Variants in ASTN2 observed in about 807,000 individuals in gnomAD.
ASTN2 encodes the protein astrotactin-2.
ASTN2 carries 54 observed loss-of-function variants against 139.8 expected under a neutral mutation model. The observed-to-expected ratio is 0.39, with a 90% CI of 0.31 to 0.48. ASTN2 has a LOEUF of 0.48. Ranked by LOEUF, ASTN2 falls within the 20% of genes least tolerant of loss-of-function variation. ASTN2 has a pLI of 0.95. For missense variants in ASTN2, 1,565 were observed against 1,725.1 expected, an observed-to-expected ratio of 0.91 and a Z score of 1.64; for synonymous variants, 756 against 719.5, an observed-to-expected ratio of 1.05 and a Z score of -0.81.
At chr9:117,281,017 T>C (rs914520447) in intron 2 of ASTN2, among the ~76,000 whole-genome samples, 4 of 152,232 alleles carry the variant, frequency 2.6e-5, no homozygotes, top group Non-Finnish European at 5.9e-5. Context: ...AGCAATCTTT[T>C]CTGCCCCATT....
intron 4 of ASTN2, among the ~76,000 whole-genome samples, chr9:117,123,767 C>T (rs1404863820): frequency 6.6e-6 from 1 of 152,076 alleles, no homozygotes; most frequent in East Asian, 1.9e-4. Context: ...TCCATTCCTC[C>T]CTACCCACCT....
intron 17 of ASTN2, among the ~76,000 whole-genome samples, 161 bp from the exon 18 acceptor site, chr9:116,620,604 G>C (rs1319045961): frequency 6.6e-6 from 1 of 152,056 alleles, no homozygotes; most frequent in Admixed American, 6.5e-5. Context: ...TCTACTATCA[G>C]GGTCTCCCAT....
rs76848479 is a variant in ASTN2 at position 117,147,976 on chromosome 9, G to T, written c.1016-6498C>A. ...CTTAGCTCCTCTTCAGATCATCTAG[G>T]CAAAGAGCCCTAGGAAATCTGGTGC... On this transcript the variant is annotated intron_variant, in intron 3 of 22. Coordinates refer to ENST00000313400, the MANE Select transcript of ASTN2 (RefSeq NM_001365068.1). 3.6e-3 allele frequency among the ~76,000 whole-genome samples: 548 copies of T among 152,264 alleles called. 14 individuals are homozygous for T. The East Asian group carries it at 0.064, about 18-fold the overall frequency.
chr9:117,411,233 C>G lies in ASTN2; in HGVS notation c.442+3264G>C, dbSNP rs75772574. Among the ~76,000 whole-genome samples the G allele has an allele frequency of 2.5e-4, 38 of 152,242 alleles. 1 individual carries two copies. In the East Asian group the frequency reaches 7.3e-3, roughly 29 times the overall value. ...TACAAGGCAGGAAGAAAGCTCTTAG[C>G]ATCACATTAAGGATTCAATAACTAT... is the stretch of plus-strand genomic sequence containing the variant. On this transcript the variant is annotated intron_variant, in intron 1 of 22. Coordinates refer to ENST00000313400, the MANE Select transcript of ASTN2 (RefSeq NM_001365068.1).
rs143451780 is a variant in ASTN2 at position 117,023,809 on chromosome 9, T to A, written c.1424-15550A>T. 3.7e-4 allele frequency among the ~76,000 whole-genome samples: 57 copies of A among 152,250 alleles called. No homozygotes were observed. In the East Asian group the frequency reaches 8.7e-3, roughly 23 times the overall value. ...TCATAAGGATCTAATATTATATGGA[T>A]TTGCATTCTAGTGGTGAGGTTGTTT... On this transcript the variant is annotated intron_variant, in intron 6 of 22. Transcript: ENST00000313400.
At chr9:116,446,247 G>GGGGAGA (rs1429663730) in intron 20 of ASTN2, among the ~76,000 whole-genome samples, 3 of 119,562 alleles carry the variant, frequency 2.5e-5, no homozygotes, top group African/African-American at 9.2e-5. Context: ...CAGAGACAGA[G>GGGGAGA]GGGAGAGGGA....
At chr9:116,490,303 A>AAAAAAAAAAAAAAAAAAAAAAAG (rs1564314423) in intron 19 of ASTN2, among the ~76,000 whole-genome samples, 2 of 104,516 alleles carry the variant, frequency 1.9e-5, no homozygotes, top group Non-Finnish European at 4.0e-5. Context: ...AAAAAAAAAA[A>AAAAAAAAAAAAAAAAAAAAAAAG]GGGGGCATTG....
chr9:116,620,490 G>C, intron 17 of ASTN2, 47 bp from the exon 18 acceptor site: 9 of 1,610,330 alleles, frequency 5.6e-6, no homozygotes, highest in Non-Finnish European at 7.6e-6. Context: ...CAACAGGGGA[G>C]AGATTGAGAG....
intron 2 of ASTN2, among the ~76,000 whole-genome samples, chr9:117,287,118 G>C (rs1229175674): frequency 6.6e-6 from 1 of 152,146 alleles, no homozygotes; most frequent in Non-Finnish European, 1.5e-5. Flanking sequence ...TTAGTGCCTG[G>C]CATACAGAAA....
intron 3 of ASTN2, among the ~76,000 whole-genome samples, chr9:117,193,462 AC>A (rs1423772006): frequency 6.6e-6 from 1 of 151,736 alleles, no homozygotes; most frequent in Non-Finnish European, 1.5e-5. Context: ...ACATGGTGAA[AC>A]CCTGTCTCTA....
At chr9:116,473,901 C>CA (rs201726007) in intron 20 of ASTN2, among the ~76,000 whole-genome samples, 1,413 of 133,600 alleles carry the variant, frequency 0.011, 16 homozygotes, top group African/African-American at 0.034. Context: ...GACTCTATCT[C>CA]AAAAAAAAAA....
chr9:116,629,099 G>A (rs1314554642), intron 17 of ASTN2, among the ~76,000 whole-genome samples: 3 of 144,176 alleles, frequency 2.1e-5, no homozygotes. Context: ...AGCTTTTACT[G>A]TTTCCAGTAA....
chr9:116,571,619 T>C (rs552754267), intron 19 of ASTN2, among the ~76,000 whole-genome samples: 1 of 152,282 alleles, frequency 6.6e-6, no homozygotes, highest in East Asian at 1.9e-4. Context: ...TATGTATATC[T>C]TTACAGTATG....
At chr9:116,599,039 C>T (rs189346157) in intron 19 of ASTN2, among the ~76,000 whole-genome samples, 9 of 152,328 alleles carry the variant, frequency 5.9e-5, no homozygotes, top group Non-Finnish European at 7.3e-5. Flanking sequence ...AAAGATGACA[C>T]ATTCAAATAC....
intron 10 of ASTN2, among the ~76,000 whole-genome samples, chr9:116,947,035 G>A (rs992479937): frequency 5.9e-5 from 9 of 151,836 alleles, no homozygotes; most frequent in Non-Finnish European, 1.3e-4. Context: ...CAGGTTATAA[G>A]GAGAGGAGAG....
In ASTN2 at chr9:116,838,121, GTT is replaced by G. The variant is rs1211683284; in HGVS notation, c.2041-17340_2041-17339del. ...GCTGTGTTTTTTTTTGTTTTGTTTT[GTT>G]TTTTGAGACAGAGTCACGCTCTGTC... On this transcript the variant is annotated intron_variant, in intron 11 of 22. Transcript: ENST00000313400. Among the ~76,000 whole-genome samples, 318 of 138,008 alleles carry G rather than the reference GTT, an allele frequency of 2.3e-3. 5 individuals are homozygous for G. The highest frequency in any genetic ancestry group is 5.2e-3 in the African/African-American group (194 of 37,496). The allele number at this position is 138,008 out of a possible 152,430, so 90.5% of individuals were successfully genotyped here. A position where few individuals can be genotyped will look rare whatever the true frequency, so the allele number is the denominator to read the frequency against.
At chr9:116,962,036 C>A (rs1482485598) in intron 10 of ASTN2, among the ~76,000 whole-genome samples, 1 of 152,192 alleles carries the variant, frequency 6.6e-6, no homozygotes, top group African/African-American at 2.4e-5. Flanking sequence ...TAGTGAATGG[C>A]AGAGCTAGGA....
intron 4 of ASTN2, among the ~76,000 whole-genome samples, chr9:117,117,552 A>C (rs1225717926): frequency 2.0e-5 from 3 of 152,124 alleles, no homozygotes; most frequent in African/African-American, 7.2e-5. Context: ...AGCTCCTGAT[A>C]TGGTTCCTGG....
At chr9:116,966,548 C>T (rs1444065621) in intron 10 of ASTN2, among the ~76,000 whole-genome samples, 2 of 152,066 alleles carry the variant, frequency 1.3e-5, no homozygotes, top group Admixed American at 6.6e-5. Flanking sequence ...ATTATGATTG[C>T]TAAGGTAAAA....
Sources: allele counts gnomAD v4.1 joint callset (sites outside exome capture counted in the v4.1 genomes callset), GRCh38; gene constraint gnomAD v4.1.1; transcripts MANE v1.5; gene names NCBI Gene and HGNC (gene_info 2026-07-23, HGNC 2026-07-21).